LMX1B: variants seen among roughly 807,000 people sequenced by gnomAD.
LMX1B encodes the protein LIM homeobox transcription factor 1 beta, also known as LIM homeobox transcription factor 1-beta.
In LMX1B, 12 loss-of-function variants were observed where a neutral mutation model predicts 51.4. The observed-to-expected ratio is 0.23, with a 90% CI of 0.15 to 0.38. The LOEUF (loss-of-function observed/expected upper bound fraction) is 0.38. Ranked by LOEUF, LMX1B falls within the 10% of genes least tolerant of loss-of-function variation. The pLI is 1.00. For synonymous variants in LMX1B, 237 were observed against 235.4 expected, an observed-to-expected ratio of 1.01 and a Z score of -0.06; for missense variants, 445 against 571.1, an observed-to-expected ratio of 0.78 and a Z score of 2.25.
At chr9:126,619,848 CT>C (rs1352491764) in intron 2 of LMX1B, among the ~76,000 whole-genome samples, 1 of 152,122 alleles carries the variant, frequency 6.6e-6, no homozygotes, top group Admixed American at 6.5e-5. Flanking sequence ...AGGATCTCCT[CT>C]GGGGTATGTG....
At chr9:126,682,895 A>G (rs1279700287) in intron 2 of LMX1B, among the ~76,000 whole-genome samples, 5 of 49,368 alleles carry the variant, frequency 1.0e-4, no homozygotes, top group Non-Finnish European at 2.1e-4. Flanking sequence ...ACTCTGTCTG[A>G]AAAAAAAAAA....
intron 2 of LMX1B, among the ~76,000 whole-genome samples, chr9:126,616,906 T>C (rs975618009): frequency 5.3e-5 from 8 of 152,216 alleles, no homozygotes; most frequent in South Asian, 4.1e-4. Flanking sequence ...ACCTAGCTCT[T>C]TCTTCCGGCT....
intron 2 of LMX1B, among the ~76,000 whole-genome samples, chr9:126,668,279 C>T (rs1564161211): frequency 6.6e-6 from 1 of 152,068 alleles, no homozygotes; most frequent in Non-Finnish European, 1.5e-5. Context: ...GAGCACAGTC[C>T]TGGCCACTCA....
intron 2 of LMX1B, among the ~76,000 whole-genome samples, chr9:126,674,085 C>G (rs1836510374): frequency 6.6e-6 from 1 of 152,094 alleles, no homozygotes; most frequent in African/African-American, 2.4e-5. Context: ...TGGCTGTGCC[C>G]CCAGCTCCTC....
intron 2 of LMX1B, among the ~76,000 whole-genome samples, chr9:126,686,229 G>A (rs980838049): frequency 3.5e-5 from 5 of 143,772 alleles, no homozygotes; most frequent in Non-Finnish European, 7.5e-5. Flanking sequence ...GCAGTGAGCC[G>A]AGATCATACC....
At chr9:126,617,299 AC>A (rs896254759) in intron 2 of LMX1B, among the ~76,000 whole-genome samples, 8 of 151,458 alleles carry the variant, frequency 5.3e-5, no homozygotes, top group Non-Finnish European at 7.4e-5. Context: ...TGCCACTTAC[AC>A]CCAGCTCAGC....
intron 2 of LMX1B, among the ~76,000 whole-genome samples, chr9:126,629,317 A>G (rs778760074): frequency 2.6e-5 from 4 of 152,262 alleles, no homozygotes; most frequent in African/African-American, 4.8e-5. Context: ...CGACAGCAGC[A>G]GCAATAATAA....
chr9:126,657,525 C>G (rs1032802213), intron 2 of LMX1B, among the ~76,000 whole-genome samples: 1 of 152,082 alleles, frequency 6.6e-6, no homozygotes, highest in Non-Finnish European at 1.5e-5. Flanking sequence ...GGGGTCAGGA[C>G]TGGGGTTGGG....
intron 2 of LMX1B, among the ~76,000 whole-genome samples, chr9:126,629,404 C>T (rs1835595418): frequency 6.6e-6 from 1 of 152,218 alleles, no homozygotes; most frequent in Admixed American, 6.5e-5. Context: ...AATGACACTA[C>T]GACATGGCTT....
intron 2 of LMX1B, among the ~76,000 whole-genome samples, chr9:126,622,264 C>T (rs1264932068): frequency 6.6e-6 from 1 of 152,162 alleles, no homozygotes; most frequent in Non-Finnish European, 1.5e-5. Flanking sequence ...AAGGAAAAAC[C>T]CGGTTCCTGG....
At chr9:126,693,426 T>A in intron 4 of LMX1B, 98 bp from the exon 5 acceptor site, 1 of 1,538,628 alleles carries the variant, frequency 6.5e-7, no homozygotes, top group Non-Finnish European at 9.0e-7. Flanking sequence ...CATCCCTCCA[T>A]CCTCCATCTC....
Position 126,696,240 on chromosome 9 carries a change from GC to G in LMX1B, c.1052-49del, listed in dbSNP as rs925336880. On this transcript the variant is annotated intron_variant, in intron 7 of 7. Coordinates refer to ENST00000373474, the MANE Select transcript of LMX1B (RefSeq NM_001174147.2). Reference sequence around the variant, plus strand: ...ACACAGCCTACAGGGCAAACAGGGGGCCCCCAGGAGCCCCAGCCTGTACCCC... The same window carrying G: ...ACACAGCCTACAGGGCAAACAGGGGGCCCCAGGAGCCCCAGCCTGTACCCC... 390 of 1,575,786 alleles carry G rather than the reference GC, an allele frequency of 2.5e-4. No homozygotes were observed. The Middle Eastern group carries it at 4.2e-3, about 17-fold the overall frequency.
intron 2 of LMX1B, among the ~76,000 whole-genome samples, chr9:126,688,168 C>T (rs184476590): frequency 1.3e-5 from 2 of 152,342 alleles, no homozygotes; most frequent in Admixed American, 6.5e-5. Context: ...TCTGTAATGG[C>T]GGCACTGAGC....
intron 2 of LMX1B, among the ~76,000 whole-genome samples, chr9:126,678,156 C>CA (rs1400706515): frequency 1.3e-5 from 2 of 151,826 alleles, no homozygotes; most frequent in African/African-American, 4.8e-5. Context: ...ACTTAAAATA[C>CA]AAAAAATTAG....
intron 3 of LMX1B, among the ~76,000 whole-genome samples, chr9:126,692,588 C>A (rs965317626): frequency 6.6e-6 from 1 of 152,212 alleles, no homozygotes; most frequent in Non-Finnish European, 1.5e-5. Context: ...GCGTGAGGGC[C>A]TTTGTGAGCC....
Position 126,614,050 on chromosome 9 carries a change from C to CCG in LMX1B, c.-399_-398insGC, listed in dbSNP as rs1389363694. 1.5e-5 allele frequency among the ~76,000 whole-genome samples: 2 copies of CCG among 134,644 alleles called. No homozygotes were observed. The highest frequency in any genetic ancestry group is 3.3e-5 in the Non-Finnish European group (2 of 60,864). The allele number at this position is 134,644 out of a possible 152,430, so 88.3% of individuals were successfully genotyped here. A position where few individuals can be genotyped will look rare whatever the true frequency, so the allele number is the denominator to read the frequency against. On this transcript the variant is annotated 5_prime_UTR_variant, in exon 1 of 8. Transcript: ENST00000373474. The stretch of plus-strand genomic sequence containing the variant: ...CGGGACCCCGCTGCGCCGCGCGCCC[C>CCG]CCCCGCGGCCCGCGGGGCCGCCCCT...
intron 2 of LMX1B, among the ~76,000 whole-genome samples, chr9:126,678,224 C>T (rs1836603435): frequency 6.6e-6 from 1 of 151,388 alleles, no homozygotes; most frequent in African/African-American, 2.4e-5. Flanking sequence ...ACAGGAGAAT[C>T]GCTTGAATCC....
intron 7 of LMX1B, 90 bp from the exon 8 acceptor site, chr9:126,696,204 G>A: frequency 7.4e-7 from 1 of 1,345,040 alleles, no homozygotes; most frequent in Non-Finnish European, 1.1e-6. Context: ...GTCTCTCCCT[G>A]GCCTCCAGTC....
chr9:126,639,551 T>A (rs1835771405), intron 2 of LMX1B, among the ~76,000 whole-genome samples: 3 of 152,232 alleles, frequency 2.0e-5, no homozygotes. Flanking sequence ...TCGGGCCACC[T>A]ACTCTGGGGT....
Sources: allele counts gnomAD v4.1 joint callset (sites outside exome capture counted in the v4.1 genomes callset), GRCh38; gene constraint gnomAD v4.1.1; transcripts MANE v1.5; gene names NCBI Gene and HGNC (gene_info 2026-07-23, HGNC 2026-07-21).